CLUH: variants seen among roughly 807,000 people sequenced by gnomAD.
CLUH encodes the protein clustered mitochondria protein homolog.
Under a neutral mutation model 139.3 loss-of-function variants are expected in CLUH, and 77 were observed. That is an observed-to-expected ratio of 0.55 (90% confidence interval 0.46 to 0.67). The LOEUF (loss-of-function observed/expected upper bound fraction) is 0.67. CLUH is among the 30% of genes least tolerant of loss of function. The pLI is 0.00. For missense variants in CLUH, 1,876 were observed against 1,875.8 expected (o/e 1.00, Z 0.00); for synonymous variants, 999 against 801.6 (o/e 1.25, Z -4.16).
In CLUH at chr17:2,707,563, C is replaced by T. The variant is rs996850536; in HGVS notation, c.101-2999G>A. On this transcript the variant is annotated intron_variant, in intron 1 of 25. Coordinates refer to ENST00000651024, the MANE Select transcript of CLUH (RefSeq NM_001366661.1). The surrounding 1 kb of genome is among the most constrained non-coding windows in gnomAD (Gnocchi z 7.4). ...CTGCCGGCAAAGCCGCTAGGGGGATCGGAGAACCCAGAATTTGGGGTACCT... is the reference window on the plus strand; with the variant it reads ...CTGCCGGCAAAGCCGCTAGGGGGATTGGAGAACCCAGAATTTGGGGTACCT... The T allele has an allele frequency of 1.1e-4, 104 of 985,402 alleles. No homozygotes were observed. The African/African-American group carries it at 1.5e-3, about 15-fold the overall frequency. 61.0% of individuals were successfully genotyped at this position (985,402 alleles called of 1,614,324 possible).
In CLUH at chr17:2,693,979, T is replaced by C; in HGVS notation, c.3152A>G (p.Tyr1051Cys). 1 of 1,613,854 alleles carries C rather than the reference T, an allele frequency of 6.2e-7. No homozygotes were observed. Among genetic ancestry groups the C allele is most frequent in the Non-Finnish European group, 8.5e-7 (1 of 1,179,854 alleles). ...NEALNLFNNV[Y>C]GAMHVETCAC... ...GCAGGTCTCCACGTGCATGGCTCCG[T>C]AGACGTTGTTAAACAGGTTCAGGGC... The change falls in exon 19 of 26, where the codon TAC (tyrosine) becomes TGC (cysteine). Residue 1051 changes from tyrosine (Y) to cysteine (C), a missense_variant. Tyr to Cys is a radical substitution (Grantham distance 194). Around this residue, in one of 3 missense-constraint regions of CLUH, gnomAD observed 1,454 missense variants for 1,384.4 expected, o/e 1.05. Transcript: ENST00000651024.
chr17:2,691,951 GCCCC>G, intron 23 of CLUH, 49 bp downstream of exon 23: 4 of 1,098,516 alleles, frequency 3.6e-6, no homozygotes, highest in Non-Finnish European at 4.7e-6. Context: ...CCCCGCCCCC[GCCCC>G]GCCACGCCCC....
At chr17:2,692,725 T>G in intron 20 of CLUH, 29 bp from the exon 21 acceptor site, 4 of 1,603,788 alleles carry the variant, frequency 2.5e-6, no homozygotes, top group Non-Finnish European at 3.4e-6. Flanking sequence ...CAGGTCAGGG[T>G]GGCCGCGGAC....
Position 2,700,728 on chromosome 17 carries a change from C to A in CLUH, c.1123G>T (p.Glu375Ter). 1 of 1,544,954 alleles carries A rather than the reference C, an allele frequency of 6.5e-7. No individual in the cohort carries two copies. Among genetic ancestry groups the A allele is most frequent in the Admixed American group, 2.1e-5 (1 of 47,500 alleles). Residue 375 changes from glutamate to a stop codon, truncating the protein, a stop_gained, in exon 8 of 26, where the codon GAG becomes TAG. Transcript: ENST00000651024. LOFTEE classifies it high-confidence loss of function. ...AEHAMDCVRA[E>*]DAYTSRLGYE... Reference sequence around the variant, plus strand: ...CCCAGCCTCGAGGTGTAGGCGTCCTCTGCACGCACGCAATCCATGGCATGC... The same window carrying A: ...CCCAGCCTCGAGGTGTAGGCGTCCTATGCACGCACGCAATCCATGGCATGC...
At chr17:2,695,723 G>A (rs1008979261) in intron 13 of CLUH, 197 bp from the exon 14 acceptor site, 62 of 701,860 alleles carry the variant, frequency 8.8e-5, no homozygotes, top group Non-Finnish European at 1.3e-4. Flanking sequence ...GGTGGTACAG[G>A]CCCCCTCTAA....
Position 2,692,443 on chromosome 17 carries a change from C to T in CLUH, c.3478G>A (p.Asp1160Asn), listed in dbSNP as rs1194517607. Residue 1160 changes from aspartate (D) to asparagine (N), a missense_variant, in exon 22 of 26, where the codon GAC (aspartate) becomes AAC (asparagine). Coordinates refer to ENST00000651024, the MANE Select transcript of CLUH (RefSeq NM_001366661.1). ...TTCTCCAGGAAGCGCAGCGACAGGT[C>T]GTACTCCATCACCCCGTGCAGCACC... ...GLVLHGVMEY[D>N]LSLRFLENAL... The T allele has an allele frequency of 1.9e-6, 3 of 1,600,348 alleles. No homozygotes were observed. The highest frequency in any genetic ancestry group is 2.5e-6 in the Non-Finnish European group (3 of 1,179,422).
intron 11 of CLUH, 84 bp downstream of exon 11, chr17:2,696,635 T>C (rs2069957198): frequency 6.4e-7 from 1 of 1,556,522 alleles, no homozygotes; most frequent in African/African-American, 1.4e-5. Flanking sequence ...CAGAGATGTC[T>C]GCCAGCCTCT....
chr17:2,698,670 G>GACC lies in CLUH; in HGVS notation c.1267-83_1267-81dup, dbSNP rs994169030. The GACC allele has an allele frequency of 5.4e-6, 7 of 1,307,514 alleles. No individual in the cohort carries two copies. In the African/African-American group the frequency reaches 8.9e-5, roughly 17 times the overall value. The allele number at this position is 1,307,514 out of a possible 1,614,324, so 81.0% of individuals were successfully genotyped here. On this transcript the variant is annotated intron_variant, in intron 9 of 25. Transcript: ENST00000651024. ...CCACCTGGCCAAGCGCACGCACCTA[G>GACC]ACCGCGGAGGCAACCGGGCCTGCCT...
intron 13 of CLUH, 161 bp downstream of exon 13, chr17:2,695,998 T>C (rs879393002): frequency 7.8e-6 from 5 of 637,090 alleles, no homozygotes; most frequent in Non-Finnish European, 1.4e-5. Context: ...CCTTGACCTC[T>C]GGGGGTCAGG....
In CLUH at chr17:2,703,367, C is replaced by T; in HGVS notation, c.426G>A (p.Leu142=). ...CCTCCTGCAGCCCCTCGACGCTGCG[C>T]AGCTCCGAGAAGTGGTCCAGCACGT... ...DGNVLDHFSE[L]RSVEGLQEGS... Residue 142 remains leucine, a synonymous_variant, in exon 3 of 26, where the codon CTG becomes CTA. Transcript: ENST00000651024. This position sits in a 1 kb window ranked among gnomAD's most constrained non-coding sequence, Gnocchi z 4.2. 1 of 1,613,344 alleles carries T rather than the reference C, an allele frequency of 6.2e-7. No individual in the cohort carries two copies. The highest frequency in any genetic ancestry group is 8.5e-7 in the Non-Finnish European group (1 of 1,179,744).
intron 19 of CLUH, among the ~76,000 whole-genome samples, chr17:2,693,221 C>G (rs1393834657): frequency 1.4e-5 from 2 of 145,728 alleles, no homozygotes; most frequent in African/African-American, 5.1e-5. Flanking sequence ...CATGATGAAA[C>G]CCCATCTCTA....
At chr17:2,711,529 G>A in intron 1 of CLUH, 33 bp downstream of exon 1, 2 of 174,622 alleles carry the variant, frequency 1.1e-5, no homozygotes, top group Non-Finnish European at 1.0e-5. Context: ...GGCGCCCCCC[G>A]CCCAGCGGCC....
At chr17:2,692,155 C>T (rs990655730) in intron 22 of CLUH, 58 bp from the exon 23 acceptor site, 14 of 1,518,832 alleles carry the variant, frequency 9.2e-6, no homozygotes, top group Non-Finnish European at 1.1e-5. Flanking sequence ...GGTGTGGGGG[C>T]CTGACTCGGG....
Position 2,700,021 on chromosome 17 carries a change from T to A in CLUH, c.1266+361A>T, listed in dbSNP as rs747474544. Among the ~76,000 whole-genome samples the A allele has an allele frequency of 3.9e-5, 6 of 152,222 alleles. No homozygotes were observed. The East Asian group carries it at 1.2e-3, about 29-fold the overall frequency. On this transcript the variant is annotated intron_variant, in intron 9 of 25. Coordinates refer to ENST00000651024, the MANE Select transcript of CLUH (RefSeq NM_001366661.1). ...TTTAAACCCCAGCAAACTAAAAGTGTTATGCAAATGAGCACCCGCCCTAGA... is the reference window on the plus strand; with the variant it reads ...TTTAAACCCCAGCAAACTAAAAGTGATATGCAAATGAGCACCCGCCCTAGA...
chr17:2,711,371 C>T (rs1159855805), intron 1 of CLUH, among the ~76,000 whole-genome samples, 191 bp downstream of exon 1: 1 of 152,094 alleles, frequency 6.6e-6, no homozygotes, highest in African/African-American at 2.4e-5. Context: ...ACCGCACGTG[C>T]GAAACCCGGG....
Position 2,704,432 on chromosome 17 carries a change from A to G in CLUH, c.233T>C (p.Val78Ala), listed in dbSNP as rs983215116. The G allele has an allele frequency of 1.2e-6, 2 of 1,609,848 alleles. No individual in the cohort carries two copies. The highest frequency in any genetic ancestry group is 1.7e-5 in the Admixed American group (1 of 59,522). ...AAAGCCCGTGTCCTGAATGACAATG[A>G]CTTCCTGGCCGGTGGTCTCATCTCC... ...GPGDETTGQEVIVIQDTGFSV... is the reference protein window; with the variant it reads ...GPGDETTGQEAIVIQDTGFSV... Residue 78 changes from valine (V) to alanine (A), a missense_variant, in exon 2 of 26, where the codon GTC becomes GCC. Transcript: ENST00000651024. This position sits in a 1 kb window ranked among gnomAD's most constrained non-coding sequence, Gnocchi z 5.7.
rs775671938 is a variant in CLUH at position 2,696,497 on chromosome 17, C to T, written c.2227G>A (p.Ala743Thr). ...SREVIRNACK[A>T]VGSISSTAFD... ...GCGGTGCTGCTGATGGAGCCGACCG[C>T]CTTGCACGCGTTGCGGATCACCTCC... The change falls in exon 12 of 26, where the codon GCG (alanine) becomes ACG (threonine). Residue 743 changes from alanine (A) to threonine (T), a missense_variant. Ala to Thr is a moderately conservative substitution (Grantham distance 58). Transcript: ENST00000651024. 5.7e-6 allele frequency: 9 copies of T among 1,590,708 alleles called. No homozygotes were observed. In the South Asian group the frequency reaches 8.0e-5, roughly 14 times the overall value.
Position 2,703,529 on chromosome 17 carries a change from C to G in CLUH, c.304-40G>C, listed in dbSNP as rs376720062. On this transcript the variant is annotated intron_variant, in intron 2 of 25. Transcript: ENST00000651024. This position sits in a 1 kb window ranked among gnomAD's most constrained non-coding sequence, Gnocchi z 4.2. ...CCCCGCCCACCCCGGTGAGAGAGCACGTAGCGGGGAGAGAAGGCCCCAACC... is the reference window on the plus strand; with the variant it reads ...CCCCGCCCACCCCGGTGAGAGAGCAGGTAGCGGGGAGAGAAGGCCCCAACC... The G allele has an allele frequency of 6.9e-6, 11 of 1,597,154 alleles. No individual in the cohort carries two copies. The highest frequency in any genetic ancestry group is 3.4e-5 in the Admixed American group (2 of 59,598).
chr17:2,703,572 C>T lies in CLUH; in HGVS notation c.304-83G>A, dbSNP rs1301119122. On this transcript the variant is annotated intron_variant, in intron 2 of 25. Coordinates refer to ENST00000651024, the MANE Select transcript of CLUH (RefSeq NM_001366661.1). This position sits in a 1 kb window ranked among gnomAD's most constrained non-coding sequence, Gnocchi z 4.2. ...CCCCAACCGCCCCGGTGAGAGGCCA[C>T]GTAGCGGACAGCAAGGACAATATCC... The T allele has an allele frequency of 1.1e-5, 16 of 1,396,434 alleles. No homozygotes were observed. Among genetic ancestry groups the T allele is most frequent in the South Asian group, 1.0e-4 (8 of 80,048 alleles). 86.5% of individuals were successfully genotyped at this position (1,396,434 alleles called of 1,614,324 possible).
Sources: allele counts gnomAD v4.1 joint callset (sites outside exome capture counted in the v4.1 genomes callset), GRCh38; gene constraint gnomAD v4.1.1; regional missense constraint gnomAD v4.1.1; non-coding constraint Gnocchi (gnomAD v3.1); transcripts MANE v1.5; gene names NCBI Gene and HGNC (gene_info 2026-07-23, HGNC 2026-07-21).